Variants in FHIT observed in about 807,000 individuals in gnomAD.
The protein encoded by FHIT is bis(5'-adenosyl)-triphosphatase.
In FHIT, 19 loss-of-function variants were observed where a neutral mutation model predicts 17.9. The ratio of observed to expected loss-of-function variants is 1.06; its 90% confidence interval spans 0.74 to 1.56. FHIT has a LOEUF of 1.56. Among genes scored for constraint, FHIT ranks in the 40% most tolerant of loss-of-function variants. The pLI is 0.00. For synonymous variants in FHIT, 81 were observed against 69.7 expected (o/e 1.16, Z -0.81); for missense variants, 248 against 189.2 (o/e 1.31, Z -1.82).
intron 5 of FHIT, among the ~76,000 whole-genome samples, chr3:60,451,717 A>G (rs1271444829): frequency 6.6e-6 from 1 of 152,222 alleles, no homozygotes; most frequent in African/African-American, 2.4e-5. Context: ...TAGAAAAAAC[A>G]TTAAGCAAGT....
chr3:60,632,785 A>G (rs2039480106), intron 4 of FHIT, among the ~76,000 whole-genome samples: 1 of 152,196 alleles, frequency 6.6e-6, no homozygotes, highest in Non-Finnish European at 1.5e-5. Flanking sequence ...AAGGGTTAAA[A>G]AAAACTAAAG....
chr3:59,923,317 A>G (rs1369373100), intron 7 of FHIT, among the ~76,000 whole-genome samples: 1 of 150,718 alleles, frequency 6.6e-6, no homozygotes, highest in Non-Finnish European at 1.5e-5. Context: ...TTCGGTGAGG[A>G]CAGGGCGCCA....
At chr3:60,573,169 G>A (rs1553656329) in intron 4 of FHIT, among the ~76,000 whole-genome samples, 1 of 152,094 alleles carries the variant, frequency 6.6e-6, no homozygotes, top group Non-Finnish European at 1.5e-5. Flanking sequence ...AAAGAGCTCA[G>A]AAGTGGCAAG....
chr3:59,781,968 A>G (rs182410047), intron 8 of FHIT, among the ~76,000 whole-genome samples: 65 of 152,326 alleles, frequency 4.3e-4, no homozygotes, highest in African/African-American at 1.5e-3. Context: ...GCATTTGTCT[A>G]AAATCTAGCT....
intron 4 of FHIT, among the ~76,000 whole-genome samples, chr3:60,737,566 G>A (rs947656290): frequency 7.2e-5 from 11 of 152,164 alleles, no homozygotes; most frequent in African/African-American, 2.7e-4. Context: ...ATTAACTGCT[G>A]GGACATAAAC....
At chr3:60,060,512 G>C (rs1311076146) in intron 5 of FHIT, among the ~76,000 whole-genome samples, 1 of 152,160 alleles carries the variant, frequency 6.6e-6, no homozygotes, top group Admixed American at 6.5e-5. Flanking sequence ...TTATGTGTCA[G>C]AAATATTAAA....
At chr3:59,980,243 A>T (rs1273551003) in intron 7 of FHIT, among the ~76,000 whole-genome samples, 15 of 152,154 alleles carry the variant, frequency 9.9e-5, no homozygotes, top group Non-Finnish European at 2.2e-4. Flanking sequence ...TTAATTCCTC[A>T]TCTCTGCCAA....
intron 5 of FHIT, among the ~76,000 whole-genome samples, chr3:60,080,157 G>T (rs1188822539): frequency 6.6e-6 from 1 of 152,084 alleles, no homozygotes; most frequent in Non-Finnish European, 1.5e-5. Flanking sequence ...GGTCAAGGAG[G>T]ATCAAAATTT....
At chr3:60,171,986 G>A (rs980732677) in intron 5 of FHIT, among the ~76,000 whole-genome samples, 1 of 151,958 alleles carries the variant, frequency 6.6e-6, no homozygotes, top group African/African-American at 2.4e-5. Flanking sequence ...TGCCTTTCAC[G>A]TATCAGGTAG....
chr3:59,810,434 G>T lies in FHIT; in HGVS notation c.349-58113C>A, dbSNP rs146444483. ...TGACCCTCCCAAATCAATCAAAGCT[G>T]GCCCCCTATCTTAATTATGACTTAC... On this transcript the variant is annotated intron_variant, in intron 8 of 9. Coordinates refer to ENST00000492590, the MANE Select transcript of FHIT (RefSeq NM_002012.4). Among the ~76,000 whole-genome samples the T allele has an allele frequency of 6.1e-3, 929 of 152,280 alleles. 14 individuals are homozygous for T. Among genetic ancestry groups the T allele is most frequent in the African/African-American group, 0.022 (901 of 41,546 alleles).
At chr3:60,547,290 C>A (rs1358313052) in intron 4 of FHIT, among the ~76,000 whole-genome samples, 2 of 152,084 alleles carry the variant, frequency 1.3e-5, no homozygotes, top group Non-Finnish European at 2.9e-5. Flanking sequence ...TTTCTGTAAG[C>A]CAGAGAAGCA....
intron 5 of FHIT, among the ~76,000 whole-genome samples, chr3:60,429,183 C>T (rs1389688579): frequency 1.3e-5 from 2 of 151,872 alleles, no homozygotes; most frequent in Non-Finnish European, 2.9e-5. Flanking sequence ...AAATTTTGGT[C>T]TAGTTTATGA....
chr3:60,751,578 A>G (rs958910433), intron 4 of FHIT, among the ~76,000 whole-genome samples: 7 of 152,238 alleles, frequency 4.6e-5, no homozygotes, highest in South Asian at 2.1e-4. Flanking sequence ...AAAAATTACA[A>G]CAAATATTTT....
intron 3 of FHIT, among the ~76,000 whole-genome samples, chr3:60,883,999 C>T (rs1439653358): frequency 6.6e-6 from 1 of 152,272 alleles, no homozygotes; most frequent in South Asian, 2.1e-4. Context: ...ATATAAGGAA[C>T]TCAAACAACT....
intron 7 of FHIT, among the ~76,000 whole-genome samples, chr3:59,983,975 C>T (rs543224590): frequency 2.6e-5 from 4 of 152,162 alleles, no homozygotes; most frequent in Admixed American, 6.5e-5. Flanking sequence ...CATATATTTA[C>T]GAATTATAAC....
chr3:60,654,585 C>T (rs2040072612), intron 4 of FHIT, among the ~76,000 whole-genome samples: 1 of 151,738 alleles, frequency 6.6e-6, no homozygotes, highest in Non-Finnish European at 1.5e-5. Flanking sequence ...ACAAAAATAA[C>T]TTTATAAGAA....
chr3:59,999,642 T>G (rs772164823), intron 7 of FHIT, among the ~76,000 whole-genome samples: 19 of 152,106 alleles, frequency 1.2e-4, no homozygotes, highest in Non-Finnish European at 2.2e-4. Context: ...TCACCTAATT[T>G]TTTTCAGGCT....
intron 8 of FHIT, among the ~76,000 whole-genome samples, chr3:59,783,290 G>A (rs974689634): frequency 6.6e-6 from 1 of 152,146 alleles, no homozygotes; most frequent in Non-Finnish European, 1.5e-5. Flanking sequence ...CCAACATGGT[G>A]AAGCCCCTTC....
intron 3 of FHIT, among the ~76,000 whole-genome samples, chr3:61,028,662 C>T (rs965060926): frequency 3.3e-5 from 5 of 152,200 alleles, no homozygotes; most frequent in Non-Finnish European, 7.3e-5. Context: ...AGAATAGTAA[C>T]TCCTGACCCA....
Sources: gnomAD v4.1 joint callset for allele counts (sites outside exome capture counted in the v4.1 genomes callset) on GRCh38, gnomAD v4.1.1 for gene constraint, MANE v1.5 for transcripts, NCBI Gene and HGNC (gene_info 2026-07-23, HGNC 2026-07-21) for gene names.